The following TJP2 variants were observed in gnomAD, a reference collection of about 807,000 sequenced individuals.
TJP2 encodes the protein Friedreich ataxia region gene X104 (tight junction protein ZO-2).
Under a neutral mutation model 133.1 loss-of-function variants are expected in TJP2, and 91 were observed. That is an observed-to-expected ratio of 0.68 (90% CI 0.58 to 0.81). The LOEUF (loss-of-function observed/expected upper bound fraction) is 0.81. Among genes scored for constraint, TJP2 ranks in the 40% least tolerant of loss-of-function variants. TJP2 has a pLI of 0.00. For missense variants in TJP2, 1,541 were observed against 1,565.6 expected, an observed-to-expected ratio of 0.98 and a Z score of 0.26; for synonymous variants, 592 against 583.4, an observed-to-expected ratio of 1.01 and a Z score of -0.21.
At chr9:69,200,174 G>A (rs1412579336) in intron 1 of TJP2, among the ~76,000 whole-genome samples, 1 of 151,764 alleles carries the variant, frequency 6.6e-6, no homozygotes. Flanking sequence ...TACTCGCAAT[G>A]TCTTGAACAC....
chr9:69,216,267 T>C, intron 2 of TJP2, 72 bp from the exon 3 acceptor site: 2 of 1,584,180 alleles, frequency 1.3e-6, no homozygotes, highest in Non-Finnish European at 1.7e-6. Context: ...CTTTATTTTA[T>C]TGAGTGCTTG....
intron 2 of TJP2, among the ~76,000 whole-genome samples, chr9:69,156,093 G>C (rs761772895): frequency 2.0e-5 from 3 of 152,200 alleles, no homozygotes; most frequent in Non-Finnish European, 4.4e-5. Flanking sequence ...GGCCAGGCAG[G>C]GTGGCTCACG....
At chr9:69,196,461 T>C (rs1429120946) in intron 1 of TJP2, among the ~76,000 whole-genome samples, 3 of 152,128 alleles carry the variant, frequency 2.0e-5, no homozygotes, top group Admixed American at 1.3e-4. Flanking sequence ...CTTAGAGAGG[T>C]GGGTCTTGTT....
intron 4 of TJP2, among the ~76,000 whole-genome samples, chr9:69,219,734 C>T (rs545788335): frequency 1.3e-5 from 2 of 152,246 alleles, no homozygotes; most frequent in African/African-American, 4.8e-5. Flanking sequence ...CTCAAAATGT[C>T]TTTGATATAT....
In TJP2 at chr9:69,249,363, T is replaced by C. The variant is rs1489778012; in HGVS notation, c.2881-12T>C. On this transcript the variant is annotated splice_polypyrimidine_tract_variant and intron_variant, in intron 19 of 22. Coordinates refer to ENST00000377245, the MANE Select transcript of TJP2 (RefSeq NM_004817.4). Reference sequence around the variant, plus strand: ...GATGTTCTTGTTGTGAATGAACCTTTATGTCTTGTAGAGCATAAGGAAACC... The same window carrying C: ...GATGTTCTTGTTGTGAATGAACCTTCATGTCTTGTAGAGCATAAGGAAACC... 4 of 1,600,886 alleles carry C rather than the reference T, an allele frequency of 2.5e-6. No homozygotes were observed. The highest frequency in any genetic ancestry group is 3.4e-6 in the Non-Finnish European group (4 of 1,172,676).
chr9:69,168,229 T>C (rs1397792509), intron 2 of TJP2, among the ~76,000 whole-genome samples: 4 of 152,226 alleles, frequency 2.6e-5, no homozygotes, highest in African/African-American at 9.6e-5. Context: ...TTGAAAATAC[T>C]TTGCTGTCTT....
At chr9:69,152,870 G>A (rs1263520428) in intron 2 of TJP2, among the ~76,000 whole-genome samples, 10 of 109,378 alleles carry the variant, frequency 9.1e-5, no homozygotes, top group African/African-American at 1.1e-4. Context: ...TCGCTCTGTC[G>A]CCCAGGCTGG....
chr9:69,169,369 T>TTTG (rs564265872), upstream of TJP2, among the ~76,000 whole-genome samples: 8 of 120,082 alleles, frequency 6.7e-5, no homozygotes, highest in East Asian at 7.2e-4. Context: ...TTTTTTTTTT[T>TTTG]GGGGGGGGGA....
chr9:69,246,568 ATCT>A (rs1398774125), intron 17 of TJP2, 119 bp from the exon 18 acceptor site: 6 of 834,122 alleles, frequency 7.2e-6, no homozygotes, highest in African/African-American at 1.7e-5. Flanking sequence ...ATGTGCAAAC[ATCT>A]TCTTGCGTCT....
At chr9:69,229,361 C>G (rs1448361557) in intron 10 of TJP2, 111 bp downstream of exon 10, 2 of 1,029,950 alleles carry the variant, frequency 1.9e-6, no homozygotes. Context: ...TGTACACTGT[C>G]AGCCACCTGT....
chr9:69,239,067 T>G (rs1424699682), intron 16 of TJP2, among the ~76,000 whole-genome samples: 1 of 152,092 alleles, frequency 6.6e-6, no homozygotes, highest in Non-Finnish European at 1.5e-5. Flanking sequence ...CAGGTACCTG[T>G]AGTCCCAGCC....
chr9:69,220,672 C>T (rs982976197), intron 4 of TJP2, among the ~76,000 whole-genome samples: 2 of 152,178 alleles, frequency 1.3e-5, no homozygotes, highest in Non-Finnish European at 2.9e-5. Context: ...TTATTATTAC[C>T]TTAATTCAAG....
intron 1 of TJP2, among the ~76,000 whole-genome samples, chr9:69,202,686 G>T (rs1827081875): frequency 6.6e-6 from 1 of 152,168 alleles, no homozygotes; most frequent in Non-Finnish European, 1.5e-5. Context: ...ACTTCATCCT[G>T]ATTGTCTTCA....
At chr9:69,176,342 A>G (rs926648004) in intron 1 of TJP2, among the ~76,000 whole-genome samples, 1 of 152,206 alleles carries the variant, frequency 6.6e-6, no homozygotes, top group African/African-American at 2.4e-5. Flanking sequence ...AATAGGAACA[A>G]AACGGGTGCT....
rs769412384 is a variant in TJP2, at chr9:69,226,057, G to C, written c.1092G>C (p.Thr364=). 1 of 1,614,080 alleles carries C rather than the reference G, an allele frequency of 6.2e-7. No individual in the cohort carries two copies. Among genetic ancestry groups the C allele is most frequent in the African/African-American group, 1.3e-5 (1 of 74,994 alleles). The change falls in exon 7 of 23, where the codon ACG becomes ACC. Residue 364 remains threonine (T), a synonymous_variant. Transcript: ENST00000377245. ...NGTVTENMSL[T]DARKLIEKSR... ...CTGTAACTGAGAACATGTCTTTAAC[G>C]GATGCTCGAAAATTGATAGAAAAGT... is the stretch of plus-strand genomic sequence containing the variant.
intron 1 of TJP2, among the ~76,000 whole-genome samples, chr9:69,204,545 A>G (rs1056495132): frequency 2.0e-5 from 3 of 152,228 alleles, no homozygotes; most frequent in African/African-American, 7.2e-5. Context: ...AAGTTTACAA[A>G]AAGGTTAGAC....
rs1291448234 is a variant in TJP2 at position 69,229,167 on chromosome 9, T to A, written c.1454-17T>A. Reference sequence around the variant, plus strand: ...GTTAGTCCAGATTGATAACAGTAGATGTTTCTTAACCTACAGCTCCTCAAC... The same window carrying A: ...GTTAGTCCAGATTGATAACAGTAGAAGTTTCTTAACCTACAGCTCCTCAAC... On this transcript the variant is annotated splice_polypyrimidine_tract_variant and intron_variant, in intron 9 of 22. Coordinates refer to ENST00000377245, the MANE Select transcript of TJP2 (RefSeq NM_004817.4). 1 of 1,612,810 alleles carries A rather than the reference T, an allele frequency of 6.2e-7. No individual in the cohort carries two copies. Among genetic ancestry groups the A allele is most frequent in the Non-Finnish European group, 8.5e-7 (1 of 1,178,788 alleles).
At chr9:69,236,457 C>T (rs973687638) in intron 13 of TJP2, among the ~76,000 whole-genome samples, 1 of 152,146 alleles carries the variant, frequency 6.6e-6, no homozygotes, top group African/African-American at 2.4e-5. Context: ...CTGAATGTGG[C>T]TGTTTGAACA....
intron 1 of TJP2, among the ~76,000 whole-genome samples, chr9:69,183,598 A>C (rs1304930802): frequency 2.0e-5 from 3 of 152,046 alleles, no homozygotes; most frequent in African/African-American, 4.8e-5. Context: ...TATTTGGGTT[A>C]TTTTCAGTGT....
Sources: gnomAD v4.1 joint callset for allele counts (sites outside exome capture counted in the v4.1 genomes callset) on GRCh38, gnomAD v4.1.1 for gene constraint, MANE v1.5 for transcripts, NCBI Gene and HGNC (gene_info 2026-07-23, HGNC 2026-07-21) for gene names.